RHOBTB1: variants seen among roughly 807,000 people sequenced by gnomAD.
RHOBTB1 encodes Rho related BTB domain containing 1, also known as rho-related BTB domain-containing protein 1.
A neutral mutation model predicts 71.6 loss-of-function variants in RHOBTB1; 40 were observed. The ratio of observed to expected loss-of-function variants is 0.56; its 90% CI spans 0.43 to 0.73. The LOEUF (loss-of-function observed/expected upper bound fraction) is 0.73. RHOBTB1 is among the 30% of genes least tolerant of loss of function. The pLI, the probability that RHOBTB1 is intolerant of heterozygous loss-of-function variation, is 0.00. For synonymous variants in RHOBTB1, 319 were observed against 334.9 expected (o/e 0.95, Z 0.52); for missense variants, 797 against 894.0 (o/e 0.89, Z 1.38).
chr10:60,911,103 T>A, intron 3 of RHOBTB1, 113 bp from the exon 4 acceptor site: 1 of 854,728 alleles, frequency 1.2e-6, no homozygotes. Flanking sequence ...TAAGTTTCCT[T>A]ATTCTATCTG....
At chr10:60,925,813 A>C (rs1265108311) in intron 2 of RHOBTB1, among the ~76,000 whole-genome samples, 3 of 152,324 alleles carry the variant, frequency 2.0e-5, no homozygotes, top group Non-Finnish European at 2.9e-5. Flanking sequence ...ACCTAGAAGA[A>C]ATGGACAAAT....
At chr10:60,899,924 G>A (rs559020391) in intron 4 of RHOBTB1, among the ~76,000 whole-genome samples, 2 of 152,236 alleles carry the variant, frequency 1.3e-5, no homozygotes, top group South Asian at 2.1e-4. Context: ...GGAGGGCCTC[G>A]CTGAGAAGGT....
chr10:60,936,970 C>T (rs2084622342), intron 2 of RHOBTB1, among the ~76,000 whole-genome samples: 1 of 152,204 alleles, frequency 6.6e-6, no homozygotes, highest in African/African-American at 2.4e-5. Context: ...GGACATCCAT[C>T]TTGCAATATG....
At chr10:60,994,642 T>C (rs1035393703) in intron 1 of RHOBTB1, among the ~76,000 whole-genome samples, 40 of 152,286 alleles carry the variant, frequency 2.6e-4, no homozygotes, top group African/African-American at 8.4e-4. Context: ...AAAAATGCAA[T>C]GCATTTTATT....
intron 2 of RHOBTB1, among the ~76,000 whole-genome samples, chr10:60,952,799 A>G (rs1021899707): frequency 1.3e-5 from 2 of 152,144 alleles, no homozygotes; most frequent in African/African-American, 4.8e-5. Context: ...CATGTAGATT[A>G]AAGGTTGAGT....
chr10:60,905,308 G>C (rs2082611178), intron 4 of RHOBTB1, among the ~76,000 whole-genome samples: 1 of 151,776 alleles, frequency 6.6e-6, no homozygotes, highest in Non-Finnish European at 1.5e-5. Flanking sequence ...AAATTAGCTG[G>C]GTGTGGTGGT....
chr10:60,940,235 AGAT>A lies in RHOBTB1; in HGVS notation c.-11+1566_-11+1568del, dbSNP rs1446382611. Reference sequence around the variant, plus strand: ...GTGGGGGTTATCAGCACATTAAAAAAGATGATATCCTAAGGTTTGCTTTAATAA... The same window carrying A: ...GTGGGGGTTATCAGCACATTAAAAAAGATATCCTAAGGTTTGCTTTAATAA... On this transcript the variant is annotated intron_variant, in intron 2 of 10. Coordinates refer to ENST00000337910, the MANE Select transcript of RHOBTB1 (RefSeq NM_014836.5). Among the ~76,000 whole-genome samples, 6 of 152,230 alleles carry A rather than the reference AGAT, an allele frequency of 3.9e-5. No individual in the cohort carries two copies. In the East Asian group the frequency reaches 1.2e-3, roughly 29 times the overall value.
At chr10:60,891,966 T>C (rs936265858) in intron 5 of RHOBTB1, among the ~76,000 whole-genome samples, 18 of 152,130 alleles carry the variant, frequency 1.2e-4, no homozygotes, top group African/African-American at 4.1e-4. Flanking sequence ...ATAAAGGGCA[T>C]CCGCCTTTGC....
At chr10:60,973,082 G>A (rs2086213512) in intron 2 of RHOBTB1, among the ~76,000 whole-genome samples, 1 of 151,978 alleles carries the variant, frequency 6.6e-6, no homozygotes. Context: ...TATATAGTAT[G>A]TCTGTTAATT....
intron 4 of RHOBTB1, among the ~76,000 whole-genome samples, chr10:60,894,284 C>A (rs558863704): frequency 6.6e-6 from 1 of 152,226 alleles, no homozygotes; most frequent in African/African-American, 2.4e-5. Flanking sequence ...CACCAGACCA[C>A]AACAAATAGA....
At chr10:60,935,202 C>T (rs1265808779) in intron 2 of RHOBTB1, among the ~76,000 whole-genome samples, 6 of 152,132 alleles carry the variant, frequency 3.9e-5, no homozygotes, top group African/African-American at 1.4e-4. Context: ...ATGAATCTCA[C>T]AAACATAATA....
chr10:60,876,240 C>G (rs1275101818), intron 8 of RHOBTB1, among the ~76,000 whole-genome samples: 2 of 152,154 alleles, frequency 1.3e-5, no homozygotes, highest in South Asian at 2.1e-4. Flanking sequence ...GTTCTAAACA[C>G]TCTACACTAG....
intron 2 of RHOBTB1, among the ~76,000 whole-genome samples, chr10:60,950,733 A>C (rs2085381660): frequency 6.6e-6 from 1 of 152,206 alleles, no homozygotes; most frequent in African/African-American, 2.4e-5. Flanking sequence ...AAGTGTAAAA[A>C]CGGGCTCATT....
At chr10:60,929,335 C>A (rs1034865217) in intron 2 of RHOBTB1, among the ~76,000 whole-genome samples, 2 of 152,008 alleles carry the variant, frequency 1.3e-5, no homozygotes, top group Admixed American at 6.6e-5. Context: ...AAAACAGATT[C>A]TTGAAAGAAA....
intron 2 of RHOBTB1, among the ~76,000 whole-genome samples, chr10:60,924,706 T>C (rs993101894): frequency 6.6e-6 from 1 of 152,192 alleles, no homozygotes; most frequent in Non-Finnish European, 1.5e-5. Flanking sequence ...TTCTTCTCCT[T>C]AGCTCATGAA....
chr10:60,993,885 T>C (rs7077303), intron 1 of RHOBTB1, among the ~76,000 whole-genome samples: 78,040 of 151,658 alleles, frequency 0.51, 20,371 homozygotes, highest in East Asian at 0.74. Context: ...ATTAATTTTT[T>C]GGTGACATTT....
In RHOBTB1 at chr10:60,888,197, C is replaced by A. The variant is rs1201985719; in HGVS notation, c.1456+15G>T. ...AATCAAAGGTATTAATGGCTCTGCCCCGCGGCCCACTCACCCGAGAACGTT... is the reference window on the plus strand; with the variant it reads ...AATCAAAGGTATTAATGGCTCTGCCACGCGGCCCACTCACCCGAGAACGTT... On this transcript the variant is annotated intron_variant, in intron 6 of 10. Transcript: ENST00000337910. 3 of 1,607,250 alleles carry A rather than the reference C, an allele frequency of 1.9e-6. 1 individual carries two copies. The South Asian group carries it at 3.3e-5, about 18-fold the overall frequency.
chr10:60,923,965 T>C (rs2083713145), intron 2 of RHOBTB1, among the ~76,000 whole-genome samples: 1 of 152,120 alleles, frequency 6.6e-6, no homozygotes, highest in African/African-American at 2.4e-5. Flanking sequence ...AATGGATTAA[T>C]ATAGTATGTG....
intron 1 of RHOBTB1, among the ~76,000 whole-genome samples, chr10:60,989,978 C>CTTTT (rs769184320): frequency 1.5e-4 from 18 of 122,286 alleles, no homozygotes; most frequent in African/African-American, 2.6e-4. Flanking sequence ...TCAGAATGTC[C>CTTTT]TTTTTTTTTT....
Sources: allele counts gnomAD v4.1 joint callset (sites outside exome capture counted in the v4.1 genomes callset), GRCh38; gene constraint gnomAD v4.1.1; transcripts MANE v1.5; gene names NCBI Gene and HGNC (gene_info 2026-07-23, HGNC 2026-07-21).